DPYD: variants seen among roughly 807,000 people sequenced by gnomAD.
The protein encoded by DPYD is dihydropyrimidine dehydrogenase [NADP(+)].
In DPYD, 109 loss-of-function variants were observed where a neutral mutation model predicts 116.2. That is an observed-to-expected ratio of 0.94 (90% CI 0.80 to 1.10). The LOEUF (loss-of-function observed/expected upper bound fraction) is 1.10. Among genes scored for constraint, DPYD ranks in the 50% least tolerant of loss-of-function variants. The pLI is 0.00. For synonymous variants in DPYD, 440 were observed against 432.0 expected, an observed-to-expected ratio of 1.02 and a Z score of -0.23; for missense variants, 1,302 against 1,254.5, an observed-to-expected ratio of 1.04 and a Z score of -0.57.
chr1:97,417,265 G>A (rs1674335555), intron 14 of DPYD, among the ~76,000 whole-genome samples: 1 of 151,890 alleles, frequency 6.6e-6, no homozygotes, highest in Admixed American at 6.6e-5. Context: ...TTGTTGAGTT[G>A]GTTTTTAAAG....
At chr1:97,318,478 C>T (rs1183626618) in intron 16 of DPYD, among the ~76,000 whole-genome samples, 1 of 151,680 alleles carries the variant, frequency 6.6e-6, no homozygotes, top group Non-Finnish European at 1.5e-5. Context: ...TCAAAAGGGA[C>T]AAAGAAGGCC....
chr1:97,262,229 A>G (rs1663934970), intron 18 of DPYD, among the ~76,000 whole-genome samples: 1 of 152,070 alleles, frequency 6.6e-6, no homozygotes, highest in Non-Finnish European at 1.5e-5. Context: ...TGGAAAGAAA[A>G]TAAAGGTAAT....
At chr1:97,592,528 G>A (rs867265238) in intron 10 of DPYD, among the ~76,000 whole-genome samples, 5 of 151,980 alleles carry the variant, frequency 3.3e-5, no homozygotes, top group Non-Finnish European at 5.9e-5. Flanking sequence ...CACCACGCCC[G>A]GCTAATTTTT....
chr1:97,588,640 G>A (rs1353611727), intron 10 of DPYD, among the ~76,000 whole-genome samples: 2 of 152,090 alleles, frequency 1.3e-5, no homozygotes, highest in Non-Finnish European at 2.9e-5. Context: ...AAGTACTGGA[G>A]GGAATTATTA....
chr1:97,263,080 C>T (rs1166868430), intron 18 of DPYD, among the ~76,000 whole-genome samples: 5 of 152,058 alleles, frequency 3.3e-5, no homozygotes, highest in Admixed American at 6.6e-5. Flanking sequence ...CAATATTTAG[C>T]TCCCAGAGGG....
intron 14 of DPYD, among the ~76,000 whole-genome samples, chr1:97,386,733 AG>A (rs1472947520): frequency 6.6e-6 from 1 of 152,134 alleles, no homozygotes; most frequent in African/African-American, 2.4e-5. Context: ...CTAAAGCCAG[AG>A]GATGGTTTGT....
chr1:97,177,165 C>T (rs1657338873), intron 20 of DPYD, among the ~76,000 whole-genome samples: 1 of 152,062 alleles, frequency 6.6e-6, no homozygotes, highest in Non-Finnish European at 1.5e-5. Flanking sequence ...CTTTTAAGGG[C>T]ACAATTATAT....
chr1:97,342,875 C>T (rs1429135720), intron 16 of DPYD, among the ~76,000 whole-genome samples: 1 of 152,140 alleles, frequency 6.6e-6, no homozygotes, highest in African/African-American at 2.4e-5. Context: ...CCCCCTACCA[C>T]TTACCATCAC....
chr1:97,625,100 T>G (rs1458709784), intron 8 of DPYD, among the ~76,000 whole-genome samples: 1 of 152,026 alleles, frequency 6.6e-6, no homozygotes, highest in African/African-American at 2.4e-5. Flanking sequence ...TCCTAAGATA[T>G]TAAGTTCATA....
At chr1:97,827,884 C>A (rs1669316754) in intron 3 of DPYD, among the ~76,000 whole-genome samples, 1 of 152,126 alleles carries the variant, frequency 6.6e-6, no homozygotes, top group African/African-American at 2.4e-5. Context: ...ACCCCTTAAG[C>A]ATTTTAAGTA....
chr1:97,683,436 C>G (rs1660536260), intron 7 of DPYD, among the ~76,000 whole-genome samples: 1 of 151,480 alleles, frequency 6.6e-6, no homozygotes, highest in Non-Finnish European at 1.5e-5. Flanking sequence ...AACTACGAAG[C>G]AGAAGAAATG....
Position 97,580,296 on chromosome 1 carries a change from C to T in DPYD, c.1129-6326G>A, listed in dbSNP as rs1418787041. On this transcript the variant is annotated intron_variant, in intron 10 of 22. Coordinates refer to ENST00000370192, the MANE Select transcript of DPYD (RefSeq NM_000110.4). ...ACCATTTATCCATTCTATATGAACA[C>T]AAAAACCTAAAAATATTATTTAGAA... Among the ~76,000 whole-genome samples, 6 of 152,280 alleles carry T rather than the reference C, an allele frequency of 3.9e-5. No individual in the cohort carries two copies. In the East Asian group the frequency reaches 1.2e-3, roughly 29 times the overall value.
intron 2 of DPYD, among the ~76,000 whole-genome samples, chr1:97,839,413 T>C (rs1254692713): frequency 6.6e-6 from 1 of 152,264 alleles, no homozygotes; most frequent in East Asian, 1.9e-4. Context: ...ACGTTTTATG[T>C]TGCAGCTTTT....
chr1:97,288,972 C>G (rs1323564774), intron 18 of DPYD, among the ~76,000 whole-genome samples: 1 of 151,970 alleles, frequency 6.6e-6, no homozygotes, highest in East Asian at 1.9e-4. Context: ...AGAGAAGAAT[C>G]AAATAGATGC....
At chr1:97,807,744 T>A (rs909116120) in intron 3 of DPYD, among the ~76,000 whole-genome samples, 1 of 152,154 alleles carries the variant, frequency 6.6e-6, no homozygotes, top group East Asian at 1.9e-4. Context: ...TTCTATGTTA[T>A]CTTCTCAGAA....
chr1:97,657,603 A>T (rs1244292405), intron 8 of DPYD, among the ~76,000 whole-genome samples: 1 of 152,214 alleles, frequency 6.6e-6, no homozygotes, highest in Non-Finnish European at 1.5e-5. Flanking sequence ...TATTTTTAAT[A>T]CATTGTGTGT....
intron 2 of DPYD, among the ~76,000 whole-genome samples, chr1:97,841,904 C>G (rs891533163): frequency 6.6e-6 from 1 of 151,826 alleles, no homozygotes; most frequent in African/African-American, 2.4e-5. Flanking sequence ...ACTACTGTAT[C>G]TGAAGGGCTT....
intron 20 of DPYD, among the ~76,000 whole-genome samples, chr1:97,166,642 C>A (rs1448451517): frequency 6.6e-6 from 1 of 152,170 alleles, no homozygotes; most frequent in Non-Finnish European, 1.5e-5. Context: ...ATTAACTTTT[C>A]TTTTAAGATT....
In DPYD at chr1:97,428,156, G is replaced by A. The variant is rs1026013395; in HGVS notation, c.1905+21903C>T. 2.0e-5 allele frequency among the ~76,000 whole-genome samples: 3 copies of A among 152,176 alleles called. No individual in the cohort carries two copies. The East Asian group carries it at 5.8e-4, about 29-fold the overall frequency. ...TCAGAAGTGTAGTATCTCTAGGAGA[G>A]TGACCTTGCCCAACCTCTTTGTTTA... On this transcript the variant is annotated intron_variant, in intron 14 of 22. Transcript: ENST00000370192.
Sources: allele counts gnomAD v4.1 joint callset (sites outside exome capture counted in the v4.1 genomes callset), GRCh38; gene constraint gnomAD v4.1.1; transcripts MANE v1.5; gene names NCBI Gene and HGNC (gene_info 2026-07-23, HGNC 2026-07-21).